ARHGEF7: variants seen among roughly 807,000 people sequenced by gnomAD.
The protein encoded by ARHGEF7 is Rho guanine nucleotide exchange factor 7.
ARHGEF7 carries 33 observed loss-of-function variants against 109.8 expected under a neutral mutation model. The ratio of observed to expected loss-of-function variants is 0.30; its 90% CI spans 0.23 to 0.40. The LOEUF (loss-of-function observed/expected upper bound fraction) is 0.40, where lower values mean the gene tolerates loss of function less well. ARHGEF7 is among the 10% of genes least tolerant of loss of function. The probability of loss-of-function intolerance (pLI) is 1.00; values close to 1 mark genes in which losing one functional copy is unlikely to be tolerated. For synonymous variants in ARHGEF7, 458 were observed against 424.6 expected, an observed-to-expected ratio of 1.08 and a Z score of -0.97; for missense variants, 938 against 1,098.5, an observed-to-expected ratio of 0.85 and a Z score of 2.07.
chr13:111,226,536 A>C (rs900123019), intron 5 of ARHGEF7, among the ~76,000 whole-genome samples: 1 of 152,212 alleles, frequency 6.6e-6, no homozygotes, highest in African/African-American at 2.4e-5. Context: ...GGATGGTGGC[A>C]CATCTGCTTG....
chr13:111,237,292 G>C (rs907086751), intron 6 of ARHGEF7, among the ~76,000 whole-genome samples: 12 of 151,882 alleles, frequency 7.9e-5, no homozygotes, highest in African/African-American at 2.9e-4. Context: ...GAAAGGTTGT[G>C]AACAATTTAA....
intron 2 of ARHGEF7, chr13:111,203,076 G>A (rs1165707284): frequency 7.8e-7 from 1 of 1,279,966 alleles, no homozygotes. Flanking sequence ...TTCACATCCT[G>A]TTATTCTGGG....
At chr13:111,144,406 C>A (rs1248840767) in intron 1 of ARHGEF7, 2 of 152,200 alleles carry the variant, frequency 1.3e-5, no homozygotes, top group Non-Finnish European at 2.9e-5. Flanking sequence ...GCAGTCAAAT[C>A]CTTGGCATTT....
At chr13:111,135,763 T>C (rs984690288) in intron 1 of ARHGEF7, among the ~76,000 whole-genome samples, 3 of 152,232 alleles carry the variant, frequency 2.0e-5, no homozygotes, top group African/African-American at 4.8e-5. Flanking sequence ...TGACTTCCTC[T>C]TTTCCTAATT....
intron 1 of ARHGEF7, among the ~76,000 whole-genome samples, chr13:111,119,695 C>T (rs1479047003): frequency 1.3e-5 from 2 of 152,170 alleles, no homozygotes; most frequent in Non-Finnish European, 2.9e-5. Flanking sequence ...TGCAGAAAAT[C>T]AGCAAATCTG....
intron 9 of ARHGEF7, among the ~76,000 whole-genome samples, chr13:111,270,138 T>C (rs1305622809): frequency 6.6e-6 from 1 of 152,240 alleles, no homozygotes; most frequent in Non-Finnish European, 1.5e-5. Flanking sequence ...CAGCGTCCAG[T>C]GATGGCAGCA....
At chr13:111,176,994 T>G (rs1407745294) in intron 2 of ARHGEF7, among the ~76,000 whole-genome samples, 2 of 152,238 alleles carry the variant, frequency 1.3e-5, no homozygotes, top group Non-Finnish European at 2.9e-5. Context: ...TGACCACAGG[T>G]GATCCACCCG....
intron 19 of ARHGEF7, among the ~76,000 whole-genome samples, chr13:111,300,018 G>A (rs1321711791): frequency 1.3e-5 from 2 of 152,084 alleles, no homozygotes; most frequent in African/African-American, 2.4e-5. Context: ...TTTCTCCCTT[G>A]CATCATTAAA....
rs368342997 is a variant in ARHGEF7 at position 111,153,680 on chromosome 13, G to T, written c.166-225G>T. On this transcript the variant is annotated intron_variant, in intron 1 of 21. Coordinates refer to ENST00000646102, the MANE Select transcript of ARHGEF7 (RefSeq NM_001354046.2). ...CGCCGGGGCTCACTTCCTGGTGCGG[G>T]AAGGGGCAGAGATTGGTGCAGCCCC... The T allele has an allele frequency of 3.0e-5, 38 of 1,252,208 alleles. No homozygotes were observed. The East Asian group carries it at 3.6e-4, about 12-fold the overall frequency. 77.6% of individuals were successfully genotyped at this position (1,252,208 alleles called of 1,614,324 possible). A position where few individuals can be genotyped will look rare whatever the true frequency, so the allele number is the denominator to read the frequency against.
chr13:111,276,660 A>G (rs2092503017), intron 12 of ARHGEF7, among the ~76,000 whole-genome samples: 1 of 152,234 alleles, frequency 6.6e-6, no homozygotes, highest in Non-Finnish European at 1.5e-5. Context: ...AGCTCCTCAG[A>G]GACTTGGCTG....
intron 8 of ARHGEF7, among the ~76,000 whole-genome samples, chr13:111,249,921 C>T (rs2089500331): frequency 6.6e-6 from 1 of 152,194 alleles, no homozygotes. Flanking sequence ...GCTTCACTTT[C>T]CCACTGGCAT....
At chr13:111,264,628 C>A (rs1255007484) in intron 8 of ARHGEF7, among the ~76,000 whole-genome samples, 1 of 152,138 alleles carries the variant, frequency 6.6e-6, no homozygotes, top group Non-Finnish European at 1.5e-5. Flanking sequence ...TGGGTGGGGA[C>A]ATGTCTTGCT....
rs920059666 is a variant in ARHGEF7 at position 111,131,157 on chromosome 13, G to A, written c.165+15466G>A. Among the ~76,000 whole-genome samples, 1 of 152,206 alleles carries A rather than the reference G, an allele frequency of 6.6e-6. No individual in the cohort carries two copies. The highest frequency in any genetic ancestry group is 2.4e-5 in the African/African-American group (1 of 41,456). On this transcript the variant is annotated intron_variant, in intron 1 of 21. Transcript: ENST00000646102. This position sits in a 1 kb window ranked among gnomAD's most constrained non-coding sequence, Gnocchi z 4.4. Reference sequence around the variant, plus strand: ...GCCCAGGATGGAGGATGTGAAGATGGTTATGAAACTCCCACGGTTGCCCAT... The same window carrying A: ...GCCCAGGATGGAGGATGTGAAGATGATTATGAAACTCCCACGGTTGCCCAT...
intron 13 of ARHGEF7, among the ~76,000 whole-genome samples, chr13:111,278,748 G>A (rs2092626300): frequency 6.6e-6 from 1 of 152,160 alleles, no homozygotes; most frequent in Admixed American, 6.5e-5. Flanking sequence ...TGTCCTTTCT[G>A]GTCAGCACTA....
At chr13:111,276,569 TGGTGGGTGTTACTCCAAA>T (rs1264273140) in intron 12 of ARHGEF7, among the ~76,000 whole-genome samples, 16 of 152,220 alleles carry the variant, frequency 1.1e-4, no homozygotes, top group African/African-American at 3.9e-4. Context: ...TATACAGCAC[TGGTGGGTGTTACTCCAAA>T]ATGCTTCAGA....
intron 2 of ARHGEF7, among the ~76,000 whole-genome samples, chr13:111,177,847 G>T (rs1465182836): frequency 3.3e-5 from 5 of 152,220 alleles, no homozygotes; most frequent in East Asian, 1.9e-4. Context: ...GTTAAGAAGG[G>T]TATATGTTGT....
intron 2 of ARHGEF7, among the ~76,000 whole-genome samples, chr13:111,198,437 C>T (rs558970641): frequency 6.4e-4 from 98 of 152,158 alleles, no homozygotes; most frequent in African/African-American, 2.1e-3. Flanking sequence ...ATGGTGTGTC[C>T]GGAGTTTGTT....
chr13:111,172,300 A>T (rs1022401803), intron 2 of ARHGEF7, among the ~76,000 whole-genome samples: 56 of 151,312 alleles, frequency 3.7e-4, no homozygotes, highest in African/African-American at 1.3e-3. Flanking sequence ...TAATATCCCT[A>T]AACGAAATAA....
At chr13:111,271,866 A>T (rs1207778878) in intron 9 of ARHGEF7, among the ~76,000 whole-genome samples, 2 of 152,210 alleles carry the variant, frequency 1.3e-5, no homozygotes, top group African/African-American at 4.8e-5. Flanking sequence ...TATTGATAAT[A>T]TCTGTTAAGT....
Sources: gnomAD v4.1 joint callset for allele counts (sites outside exome capture counted in the v4.1 genomes callset) on GRCh38, gnomAD v4.1.1 for gene constraint, Gnocchi (gnomAD v3.1) non-coding constraint, MANE v1.5 for transcripts, NCBI Gene and HGNC (gene_info 2026-07-23, HGNC 2026-07-21) for gene names.